The following DOCK5 variants were observed in gnomAD, a reference collection of about 807,000 sequenced individuals.
DOCK5 encodes dedicator of cytokinesis protein 5.
DOCK5 carries 142 observed loss-of-function variants against 251.8 expected under a neutral mutation model. The ratio of observed to expected loss-of-function variants is 0.56; its 90% CI spans 0.49 to 0.65. DOCK5 has a LOEUF of 0.65. DOCK5 is among the 30% of genes least tolerant of loss of function. The pLI is 0.00. For missense variants in DOCK5, 2,111 were observed against 2,312.3 expected (o/e 0.91, Z 1.79); for synonymous variants, 842 against 835.5 (o/e 1.01, Z -0.13).
At chr8:25,190,166 C>T (rs568340676) in intron 1 of DOCK5, among the ~76,000 whole-genome samples, 8 of 152,216 alleles carry the variant, frequency 5.3e-5, no homozygotes, top group Non-Finnish European at 1.0e-4. Flanking sequence ...GGATTACAGG[C>T]GTGAGCCACC....
chr8:25,410,029 C>T, intron 50 of DOCK5, 70 bp from the exon 51 acceptor site: 2 of 1,315,598 alleles, frequency 1.5e-6, no homozygotes, highest in Non-Finnish European at 2.1e-6. Flanking sequence ...TGTTACAGTG[C>T]CAGCAACATT....
intron 26 of DOCK5, among the ~76,000 whole-genome samples, chr8:25,350,420 T>C (rs1271922799): frequency 6.6e-6 from 1 of 151,994 alleles, no homozygotes; most frequent in Non-Finnish European, 1.5e-5. Flanking sequence ...AAAGAAAGAA[T>C]GTGTACATCA....
intron 1 of DOCK5, among the ~76,000 whole-genome samples, chr8:25,228,327 G>C (rs1802582160): frequency 6.6e-6 from 1 of 152,210 alleles, no homozygotes. Flanking sequence ...CATGATGCAG[G>C]ATAGGTGTGT....
chr8:25,234,643 A>G (rs1802749675), intron 1 of DOCK5, among the ~76,000 whole-genome samples: 1 of 152,196 alleles, frequency 6.6e-6, no homozygotes. Flanking sequence ...TGGTGAGTAC[A>G]TGGCTGAGGC....
At chr8:25,273,881 G>C (rs1201490353) in intron 3 of DOCK5, among the ~76,000 whole-genome samples, 1 of 152,126 alleles carries the variant, frequency 6.6e-6, no homozygotes, top group Non-Finnish European at 1.5e-5. Context: ...TTGTCACCTT[G>C]TGTCTGTGTG....
intron 29 of DOCK5, among the ~76,000 whole-genome samples, chr8:25,363,896 C>T (rs1039100318): frequency 2.0e-5 from 3 of 152,220 alleles, no homozygotes; most frequent in Admixed American, 6.5e-5. Context: ...CCTTTCTGAC[C>T]TGGATGTCAT....
rs1801645637 is a variant in DOCK5 at position 25,412,287 on chromosome 8, T to G, written c.*989T>G. ...TATTCCTCTTGATTGTGGAATTAAT[T>G]TGATTGCTTGCTAATGGTACTAGTA... On this transcript the variant is annotated 3_prime_UTR_variant, in exon 52 of 52. Coordinates refer to ENST00000276440, the MANE Select transcript of DOCK5 (RefSeq NM_024940.8). 6.6e-6 allele frequency: 1 copy of G among 152,156 alleles called. No homozygotes were observed. Among genetic ancestry groups the G allele is most frequent in the African/African-American group, 2.4e-5 (1 of 41,424 alleles). The allele number at this position is 152,156 out of a possible 1,614,324, so 9.4% of individuals were successfully genotyped here. A position where few individuals can be genotyped will look rare whatever the true frequency, so the allele number is the denominator to read the frequency against.
rs2117134388 is a variant in DOCK5, at chr8:25,281,690, C to G, written c.321+3025C>G. ...GGACAGGAGTTCAAGACCAGCCTGG[C>G]TAATATGGTGAAACCCTGTCTCTAC... On this transcript the variant is annotated intron_variant, in intron 5 of 51. Transcript: ENST00000276440. Among the ~76,000 whole-genome samples the G allele has an allele frequency of 4.0e-5, 6 of 151,580 alleles. No individual in the cohort carries two copies. In the South Asian group the frequency reaches 1.2e-3, roughly 32 times the overall value.
chr8:25,314,466 C>T (rs928029997), intron 13 of DOCK5, among the ~76,000 whole-genome samples: 2 of 151,910 alleles, frequency 1.3e-5, no homozygotes, highest in African/African-American at 4.8e-5. Flanking sequence ...CCCATTTGGA[C>T]CTCATAATTC....
rs1563309160 is a variant in DOCK5 at position 25,210,039 on chromosome 8, T to TATATAA, written c.43+25088_43+25089insATATAA. Among the ~76,000 whole-genome samples, 11 of 1,786 alleles carry TATATAA rather than the reference T, an allele frequency of 6.2e-3. 1 individual carries two copies. Among genetic ancestry groups the TATATAA allele is most frequent in the African/African-American group, 9.4e-3 (9 of 954 alleles). The allele number at this position is 1,786 out of a possible 152,430, so 1.2% of individuals were successfully genotyped here. On this transcript the variant is annotated intron_variant, in intron 1 of 51. Transcript: ENST00000276440. ...ATATATATATATATATATATAAATG[T>TATATAA]GTGTGTGTGTGTGTGTGTGTGTGTG... is the stretch of plus-strand genomic sequence containing the variant.
intron 43 of DOCK5, among the ~76,000 whole-genome samples, 175 bp downstream of exon 43, chr8:25,392,155 T>G (rs1217498638): frequency 1.3e-5 from 2 of 151,984 alleles, no homozygotes; most frequent in African/African-American, 4.8e-5. Context: ...TACAAAAAAA[T>G]TAGCCGGGCG....
rs776247326 is a variant in DOCK5 at position 25,373,607 on chromosome 8, T to TG, written c.3685-11_3685-10insG. The TG allele has an allele frequency of 8.4e-5, 133 of 1,589,980 alleles. No homozygotes were observed. In the East Asian group the frequency reaches 2.7e-3, roughly 33 times the overall value. On this transcript the variant is annotated splice_polypyrimidine_tract_variant and intron_variant, in intron 35 of 51. Coordinates refer to ENST00000276440, the MANE Select transcript of DOCK5 (RefSeq NM_024940.8). Reference sequence around the variant, plus strand: ...ATGTTGGGATTCTGTGATCCTTTTTTTTCCTGGCAGAACTTTTATAAAGAA... The same window carrying TG: ...ATGTTGGGATTCTGTGATCCTTTTTTGTTCCTGGCAGAACTTTTATAAAGAA...
chr8:25,365,392 T>C (rs901593092), intron 30 of DOCK5, among the ~76,000 whole-genome samples: 1 of 152,102 alleles, frequency 6.6e-6, no homozygotes, highest in African/African-American at 2.4e-5. Context: ...TCAGTGGAGG[T>C]CCTTGACTAC....
chr8:25,394,680 C>G (rs1353009379), intron 44 of DOCK5, among the ~76,000 whole-genome samples: 1 of 152,122 alleles, frequency 6.6e-6, no homozygotes, highest in Non-Finnish European at 1.5e-5. Context: ...GAAGTGTTGC[C>G]TAGGAAATGA....
At chr8:25,229,047 G>A (rs558655504) in intron 1 of DOCK5, among the ~76,000 whole-genome samples, 11 of 147,492 alleles carry the variant, frequency 7.5e-5, no homozygotes, top group Admixed American at 2.0e-4. Flanking sequence ...TCTGGGCAAC[G>A]TAGTAAGACC....
Position 25,382,792 on chromosome 8 carries a change from T to C in DOCK5, c.4131+14T>C, listed in dbSNP as rs1213109710. On this transcript the variant is annotated intron_variant, in intron 40 of 51. Coordinates refer to ENST00000276440, the MANE Select transcript of DOCK5 (RefSeq NM_024940.8). ...TCTTTCCTACGGGTAAGAAACCTGA[T>C]GGTGGTCTCCCAGGCCATTAGGAGG... is the stretch of plus-strand genomic sequence containing the variant. 6.3e-7 allele frequency: 1 copy of C among 1,599,182 alleles called. No homozygotes were observed. The highest frequency in any genetic ancestry group is 2.2e-5 in the East Asian group (1 of 44,718).
intron 37 of DOCK5, chr8:25,375,107 A>T (rs899574070): frequency 3.1e-6 from 2 of 646,212 alleles, no homozygotes; most frequent in Non-Finnish European, 4.0e-6. Context: ...TCTAGCCCTG[A>T]GCACCTTCTC....
At chr8:25,196,400 T>C (rs144033138) in intron 1 of DOCK5, among the ~76,000 whole-genome samples, 1 of 152,352 alleles carries the variant, frequency 6.6e-6, no homozygotes, top group African/African-American at 2.4e-5. Context: ...CCATTTCTAA[T>C]ACAAGGAGTT....
intron 1 of DOCK5, among the ~76,000 whole-genome samples, chr8:25,208,340 T>C (rs1161414108): frequency 6.6e-6 from 1 of 152,210 alleles, no homozygotes; most frequent in East Asian, 1.9e-4. Flanking sequence ...AAAGAAGTTA[T>C]ACTGTGGGTG....
Sources: allele counts gnomAD v4.1 joint callset (sites outside exome capture counted in the v4.1 genomes callset), GRCh38; gene constraint gnomAD v4.1.1; transcripts MANE v1.5; gene names NCBI Gene and HGNC (gene_info 2026-07-23, HGNC 2026-07-21).